The following CDH13 variants were observed in gnomAD, a reference collection of about 807,000 sequenced individuals.
The protein encoded by CDH13 is cadherin 13.
In CDH13, 24 loss-of-function variants were observed where a neutral mutation model predicts 63.8. The ratio of observed to expected loss-of-function variants is 0.38; its 90% CI spans 0.27 to 0.53. The LOEUF (loss-of-function observed/expected upper bound fraction) is 0.53, where lower values mean the gene tolerates loss of function less well. Among genes scored for constraint, CDH13 ranks in the 20% least tolerant of loss-of-function variants. The probability of loss-of-function intolerance (pLI) is 0.85; values close to 1 mark genes in which losing one functional copy is unlikely to be tolerated. For synonymous variants in CDH13, 503 were observed against 355.3 expected (o/e 1.42, Z -4.67); for missense variants, 1,049 against 903.1 (o/e 1.16, Z -2.07).
chr16:82,904,282 G>GT (rs1187401356), intron 2 of CDH13, among the ~76,000 whole-genome samples: 2 of 152,132 alleles, frequency 1.3e-5, no homozygotes, highest in African/African-American at 2.4e-5. Context: ...GAACGGAAAT[G>GT]TTTTTTGGAA....
intron 2 of CDH13, among the ~76,000 whole-genome samples, chr16:82,996,832 T>C (rs940315058): frequency 9.9e-5 from 15 of 151,930 alleles, no homozygotes; most frequent in Admixed American, 8.5e-4. Flanking sequence ...ATAGTGATGG[T>C]GATGGTGGTG....
intron 2 of CDH13, among the ~76,000 whole-genome samples, chr16:82,956,328 C>A (rs1906094108): frequency 6.6e-6 from 1 of 151,968 alleles, no homozygotes; most frequent in South Asian, 2.1e-4. Context: ...CTCTTGCCTG[C>A]AACCTTTTAT....
chr16:83,774,495 C>A (rs188612975), intron 11 of CDH13, among the ~76,000 whole-genome samples: 91 of 152,236 alleles, frequency 6.0e-4, no homozygotes, highest in African/African-American at 2.0e-3. Context: ...GCCTCAGCCT[C>A]CAGAGTAGCT....
At chr16:82,982,338 A>G (rs1199363523) in intron 2 of CDH13, among the ~76,000 whole-genome samples, 3 of 152,132 alleles carry the variant, frequency 2.0e-5, no homozygotes, top group African/African-American at 7.2e-5. Flanking sequence ...TTAGAACTGT[A>G]TTAGGTTCCT....
chr16:83,413,169 G>C (rs910111153), intron 6 of CDH13, among the ~76,000 whole-genome samples: 5 of 152,142 alleles, frequency 3.3e-5, no homozygotes, highest in African/African-American at 7.2e-5. Flanking sequence ...AAATGCAAAG[G>C]CACGGTGATG....
intron 5 of CDH13, among the ~76,000 whole-genome samples, chr16:83,246,113 G>T (rs1340942430): frequency 6.6e-6 from 1 of 152,130 alleles, no homozygotes; most frequent in Non-Finnish European, 1.5e-5. Context: ...TTACAGTCAA[G>T]ATTTAGAATA....
chr16:83,495,055 T>A (rs1187665570), intron 7 of CDH13, among the ~76,000 whole-genome samples: 1 of 152,180 alleles, frequency 6.6e-6, no homozygotes, highest in Non-Finnish European at 1.5e-5. Flanking sequence ...TTGAAGATAT[T>A]ATTATCAACA....
chr16:83,579,656 G>A (rs12931279), intron 7 of CDH13, among the ~76,000 whole-genome samples: 58,082 of 151,840 alleles, frequency 0.38, 12,130 homozygotes, highest in Middle Eastern at 0.54. Flanking sequence ...AATCCAAACC[G>A]TATCAATCAT....
intron 1 of CDH13, among the ~76,000 whole-genome samples, chr16:82,779,910 CAAGAAGTCAA>C (rs1443295365): frequency 6.6e-6 from 1 of 152,188 alleles, no homozygotes; most frequent in East Asian, 1.9e-4. Flanking sequence ...ATCAGTCCCC[CAAGAAGTCAA>C]ATACATCTGC....
At chr16:82,930,779 C>T (rs1241454837) in intron 2 of CDH13, among the ~76,000 whole-genome samples, 1 of 152,066 alleles carries the variant, frequency 6.6e-6, no homozygotes, top group Non-Finnish European at 1.5e-5. Flanking sequence ...TCCAGTTCAC[C>T]CTAGGTGAGA....
At chr16:83,180,158 G>GTTT (rs35835444) in intron 4 of CDH13, among the ~76,000 whole-genome samples, 2 of 151,520 alleles carry the variant, frequency 1.3e-5, no homozygotes, top group African/African-American at 4.8e-5. Context: ...GTTGTTGTTG[G>GTTT]TTTGTTTGTT....
intron 7 of CDH13, among the ~76,000 whole-genome samples, chr16:83,584,058 G>A (rs1033563031): frequency 1.3e-5 from 2 of 152,128 alleles, no homozygotes; most frequent in South Asian, 4.1e-4. Context: ...GGCTGGGCGC[G>A]GTGGCTCACG....
At chr16:82,905,515 G>C (rs2041614168) in intron 2 of CDH13, among the ~76,000 whole-genome samples, 1 of 151,544 alleles carries the variant, frequency 6.6e-6, no homozygotes, top group African/African-American at 2.4e-5. Flanking sequence ...AGAAAAATGA[G>C]AACTTCCTGA....
At chr16:83,051,299 A>G (rs554592702) in intron 3 of CDH13, among the ~76,000 whole-genome samples, 32 of 152,318 alleles carry the variant, frequency 2.1e-4, no homozygotes, top group African/African-American at 7.5e-4. Context: ...TGAAAATGGT[A>G]TGTTTCCTTC....
chr16:83,462,204 G>T (rs2073199559), intron 6 of CDH13, among the ~76,000 whole-genome samples: 1 of 152,206 alleles, frequency 6.6e-6, no homozygotes, highest in South Asian at 2.1e-4. Flanking sequence ...GCAAACCTGT[G>T]GTCTGTTCAG....
intron 2 of CDH13, among the ~76,000 whole-genome samples, chr16:82,900,016 C>T (rs2041409309): frequency 1.3e-5 from 2 of 152,276 alleles, no homozygotes; most frequent in East Asian, 1.9e-4. Flanking sequence ...TCCCATGTCT[C>T]CCCTGCCCCA....
intron 6 of CDH13, among the ~76,000 whole-genome samples, chr16:83,438,052 A>T (rs1200558011): frequency 6.6e-6 from 1 of 152,054 alleles, no homozygotes; most frequent in Non-Finnish European, 1.5e-5. Context: ...CCCCTGTGCT[A>T]GAGTGGACTC....
chr16:82,805,668 G>C (rs902586229), intron 1 of CDH13, among the ~76,000 whole-genome samples: 5 of 152,170 alleles, frequency 3.3e-5, no homozygotes, highest in African/African-American at 9.7e-5. Flanking sequence ...TTGGAGACTA[G>C]GTGTGGGTGT....
intron 6 of CDH13, among the ~76,000 whole-genome samples, chr16:83,435,117 G>C (rs764805755): frequency 2.6e-5 from 4 of 151,612 alleles, no homozygotes; most frequent in Middle Eastern, 3.4e-3. Context: ...CACAATCTCG[G>C]CTTACTGCAA....
Sources: allele counts gnomAD v4.1 joint callset (sites outside exome capture counted in the v4.1 genomes callset), GRCh38; gene constraint gnomAD v4.1.1; transcripts MANE v1.5; gene names NCBI Gene and HGNC (gene_info 2026-07-23, HGNC 2026-07-21).